The following PPP2R2A variants were observed in gnomAD, a reference collection of about 807,000 sequenced individuals.
PPP2R2A encodes the protein serine/threonine-protein phosphatase 2A 55 kDa regulatory subunit B alpha isoform.
A neutral mutation model predicts 53.2 loss-of-function variants in PPP2R2A; 9 were observed. The ratio of observed to expected loss-of-function variants is 0.17; its 90% CI spans 0.10 to 0.30. The LOEUF is 0.30. Ranked by LOEUF, PPP2R2A falls within the 10% of genes least tolerant of loss-of-function variation. The pLI is 1.00. For missense variants in PPP2R2A, 235 were observed against 534.6 expected (o/e 0.44, Z 5.53); for synonymous variants, 169 against 174.2 (o/e 0.97, Z 0.23).
In PPP2R2A at chr8:26,354,652, T is replaced by C. The variant is rs781144568; in HGVS notation, c.346+19T>C. ...ACCAATGGTAAGTATACATATTTTC[T>C]TTCCATGTGCCCACTGTGTGTACCT... On this transcript the variant is annotated intron_variant, in intron 4 of 9. Transcript: ENST00000380737. The surrounding 1 kb of genome is among the most constrained non-coding windows in gnomAD (Gnocchi z 4.6). 6.4e-7 allele frequency: 1 copy of C among 1,562,192 alleles called. No individual in the cohort carries two copies. Among genetic ancestry groups the C allele is most frequent in the Non-Finnish European group, 8.7e-7 (1 of 1,150,798 alleles).
intron 2 of PPP2R2A, among the ~76,000 whole-genome samples, chr8:26,295,385 C>T (rs1248161694): frequency 6.6e-6 from 1 of 152,156 alleles, no homozygotes; most frequent in Non-Finnish European, 1.5e-5. Flanking sequence ...ATTAAGTCCT[C>T]CCTTAATGTA....
chr8:26,341,368 A>G (rs1400944902), intron 3 of PPP2R2A, among the ~76,000 whole-genome samples: 8 of 152,188 alleles, frequency 5.3e-5, no homozygotes, highest in Admixed American at 2.6e-4. Flanking sequence ...CTTTGTTTCA[A>G]TACCTAATGT....
At chr8:26,351,074 G>C (rs887003893) in intron 3 of PPP2R2A, among the ~76,000 whole-genome samples, 3 of 151,978 alleles carry the variant, frequency 2.0e-5, no homozygotes, top group African/African-American at 7.2e-5. Context: ...TCATTTTTTT[G>C]AATAGTATAT....
chr8:26,319,978 G>A (rs1802752833), intron 2 of PPP2R2A, among the ~76,000 whole-genome samples: 1 of 152,148 alleles, frequency 6.6e-6, no homozygotes, highest in African/African-American at 2.4e-5. Context: ...GTAGTGTGTA[G>A]AAACAACTGA....
At chr8:26,345,109 TAA>T (rs1404966762) in intron 3 of PPP2R2A, among the ~76,000 whole-genome samples, 1 of 152,166 alleles carries the variant, frequency 6.6e-6, no homozygotes, top group Non-Finnish European at 1.5e-5. Flanking sequence ...ATGTTGACAG[TAA>T]AAAGTTTCAA....
At chr8:26,344,594 G>A (rs928634906) in intron 3 of PPP2R2A, among the ~76,000 whole-genome samples, 2 of 152,162 alleles carry the variant, frequency 1.3e-5, no homozygotes, top group South Asian at 4.1e-4. Context: ...TCTAGTCCTG[G>A]TATTCATTTA....
chr8:26,307,877 G>A lies in PPP2R2A; in HGVS notation c.82+14137G>A, dbSNP rs554311901. Among the ~76,000 whole-genome samples the A allele has an allele frequency of 5.9e-5, 9 of 152,272 alleles. No homozygotes were observed. In the East Asian group the frequency reaches 1.5e-3, roughly 26 times the overall value. ...TAGTTGGAAAATGGGGGAGTGAGGG[G>A]TTGAACCTTGTTGGTTCTTCTGACT... On this transcript the variant is annotated intron_variant, in intron 2 of 9. Coordinates refer to ENST00000380737, the MANE Select transcript of PPP2R2A (RefSeq NM_002717.4).
intron 2 of PPP2R2A, among the ~76,000 whole-genome samples, chr8:26,299,645 TA>T (rs1302375859): frequency 1.8e-4 from 27 of 152,098 alleles, no homozygotes; most frequent in Admixed American, 1.7e-3. Flanking sequence ...TCACACAATT[TA>T]ATGGTTTTAG....
At chr8:26,351,076 A>G (rs1255030156) in intron 3 of PPP2R2A, among the ~76,000 whole-genome samples, 2 of 152,160 alleles carry the variant, frequency 1.3e-5, no homozygotes, top group African/African-American at 4.8e-5. Flanking sequence ...ATTTTTTTGA[A>G]TAGTATATTT....
chr8:26,356,871 T>TCCTTCC (rs1170891992), intron 4 of PPP2R2A, among the ~76,000 whole-genome samples: 1 of 152,226 alleles, frequency 6.6e-6, no homozygotes. Flanking sequence ...GTGTCTCGGA[T>TCCTTCC]CCTTCCCCTT....
chr8:26,352,745 G>C (rs1804585958), intron 3 of PPP2R2A, among the ~76,000 whole-genome samples: 2 of 152,178 alleles, frequency 1.3e-5, no homozygotes, highest in African/African-American at 4.8e-5. Context: ...TCTACAGGAA[G>C]ATGTTCATGT....
At position 26,338,845 on chromosome 8, in the gene PPP2R2A, G is replaced by A. The variant is rs1283664091; in HGVS notation, c.83-45G>A. On this transcript the variant is annotated intron_variant, in intron 2 of 9. Coordinates refer to ENST00000380737, the MANE Select transcript of PPP2R2A (RefSeq NM_002717.4). This position sits in a 1 kb window ranked among gnomAD's most constrained non-coding sequence, Gnocchi z 4.5. ...CTAAGTTCTGAAACTAGTGAGTCGG[G>A]AAAGAAAAACTAATATCTTTTTTTG... The A allele has an allele frequency of 7.3e-7, 1 of 1,378,880 alleles. No homozygotes were observed. Among genetic ancestry groups the A allele is most frequent in the Non-Finnish European group, 1.0e-6 (1 of 982,926 alleles). 85.4% of individuals were successfully genotyped at this position (1,378,880 alleles called of 1,614,324 possible). A position where few individuals can be genotyped will look rare whatever the true frequency, so the allele number is the denominator to read the frequency against.
intron 2 of PPP2R2A, among the ~76,000 whole-genome samples, chr8:26,330,963 C>T (rs1803339025): frequency 6.6e-6 from 1 of 152,170 alleles, no homozygotes; most frequent in South Asian, 2.1e-4. Flanking sequence ...TAAGGTGTGA[C>T]ACTCTTGTGA....
chr8:26,296,507 C>T (rs549953317), intron 2 of PPP2R2A, among the ~76,000 whole-genome samples: 1 of 152,316 alleles, frequency 6.6e-6, no homozygotes, highest in East Asian at 1.9e-4. Context: ...CGCCTTTAAC[C>T]TTTTTGCTAA....
chr8:26,366,865 T>A (rs1271119783), intron 9 of PPP2R2A, among the ~76,000 whole-genome samples: 2 of 152,158 alleles, frequency 1.3e-5, no homozygotes, highest in African/African-American at 4.8e-5. Flanking sequence ...TGGTTAAAAT[T>A]TTAGTAGTAG....
intron 2 of PPP2R2A, among the ~76,000 whole-genome samples, chr8:26,305,381 G>T (rs775302485): frequency 1.3e-5 from 2 of 152,146 alleles, no homozygotes; most frequent in Non-Finnish European, 2.9e-5. Flanking sequence ...GGGGTTCGGT[G>T]GGAAGGAACC....
chr8:26,360,019 A>G lies in PPP2R2A; in HGVS notation c.347-150A>G, dbSNP rs1804998047. 2 of 497,704 alleles carry G rather than the reference A, an allele frequency of 4.0e-6. No homozygotes were observed. Among genetic ancestry groups the G allele is most frequent in the South Asian group, 2.6e-5 (1 of 38,540 alleles). The allele number at this position is 497,704 out of a possible 1,614,324, so 30.8% of individuals were successfully genotyped here. On this transcript the variant is annotated intron_variant, in intron 4 of 9. Coordinates refer to ENST00000380737, the MANE Select transcript of PPP2R2A (RefSeq NM_002717.4). This position sits in a 1 kb window ranked among gnomAD's most constrained non-coding sequence, Gnocchi z 4.5. Reference sequence around the variant, plus strand: ...TCCATGTGTGTATGTTATTCAGCTGATAATAGGAAATTTTTTAGTAAGTTC... The same window carrying G: ...TCCATGTGTGTATGTTATTCAGCTGGTAATAGGAAATTTTTTAGTAAGTTC...
chr8:26,296,801 C>G (rs1479039276), intron 2 of PPP2R2A, among the ~76,000 whole-genome samples: 1 of 152,158 alleles, frequency 6.6e-6, no homozygotes, highest in Non-Finnish European at 1.5e-5. Flanking sequence ...AGATGTAGTT[C>G]TAGCAGTCAT....
intron 4 of PPP2R2A, among the ~76,000 whole-genome samples, chr8:26,355,012 TTAAA>T (rs1804697200): frequency 6.6e-6 from 1 of 152,200 alleles, no homozygotes; most frequent in Non-Finnish European, 1.5e-5. Flanking sequence ...ATTATGAATA[TTAAA>T]TAACTTCACA....
Sources: gnomAD v4.1 joint callset for allele counts (sites outside exome capture counted in the v4.1 genomes callset) on GRCh38, gnomAD v4.1.1 for gene constraint, Gnocchi (gnomAD v3.1) non-coding constraint, MANE v1.5 for transcripts, NCBI Gene and HGNC (gene_info 2026-07-23, HGNC 2026-07-21) for gene names.